The following SV2C variants were observed in gnomAD, a reference collection of about 807,000 sequenced individuals.
The protein encoded by SV2C is synaptic vesicle glycoprotein 2C, also known as solute carrier family 22 member B3.
A neutral mutation model predicts 79.7 loss-of-function variants in SV2C; 49 were observed. The ratio of observed to expected loss-of-function variants is 0.61; its 90% CI spans 0.49 to 0.78. The LOEUF (loss-of-function observed/expected upper bound fraction) is 0.78. SV2C is among the 30% of genes least tolerant of loss of function. The probability of loss-of-function intolerance (pLI) is 0.00; values close to 1 mark genes in which losing one functional copy is unlikely to be tolerated. For synonymous variants in SV2C, 334 were observed against 333.2 expected, an observed-to-expected ratio of 1.00 and a Z score of -0.03; for missense variants, 833 against 912.9, an observed-to-expected ratio of 0.91 and a Z score of 1.13.
intron 4 of SV2C, among the ~76,000 whole-genome samples, chr5:76,229,935 C>G (rs1421542591): frequency 1.3e-5 from 2 of 152,202 alleles, no homozygotes; most frequent in East Asian, 3.8e-4. Flanking sequence ...ACCAATCAAG[C>G]ATACCCCCAT....
chr5:76,314,667 T>C (rs1435321824), intron 12 of SV2C, among the ~76,000 whole-genome samples: 2 of 152,166 alleles, frequency 1.3e-5, no homozygotes, highest in East Asian at 3.9e-4. Context: ...TTACCCCATG[T>C]TCAGGTGAGG....
At chr5:75,947,724 A>T in the SV2C span, among the ~76,000 whole-genome samples, 1 of 152,068 alleles carries the variant, frequency 6.6e-6, no homozygotes, top group Non-Finnish European at 1.5e-5. Context: ...CAAAAACATC[A>T]TGTCTCAAAT....
At chr5:76,090,070 C>G (rs1049870321) in intron 1 of SV2C, among the ~76,000 whole-genome samples, 1 of 152,078 alleles carries the variant, frequency 6.6e-6, no homozygotes, top group Non-Finnish European at 1.5e-5. Flanking sequence ...TCGATGTTTC[C>G]CAAGTATTTA....
At chr5:76,005,238 A>G in the SV2C span, among the ~76,000 whole-genome samples, 1 of 152,136 alleles carries the variant, frequency 6.6e-6, no homozygotes, top group Non-Finnish European at 1.5e-5. Context: ...TTTGTTTTAT[A>G]TTTATGGTTC....
intron 2 of SV2C, among the ~76,000 whole-genome samples, chr5:76,185,881 C>A (rs763684396): frequency 5.9e-5 from 9 of 152,216 alleles, no homozygotes; most frequent in Non-Finnish European, 1.2e-4. Flanking sequence ...AATTTCTCCC[C>A]AGAAAATGGG....
At chr5:76,220,426 C>T (rs1038247085) in intron 4 of SV2C, among the ~76,000 whole-genome samples, 2 of 152,040 alleles carry the variant, frequency 1.3e-5, no homozygotes, top group African/African-American at 2.4e-5. Context: ...AATCCCAGCA[C>T]TTTGGGAGGC....
chr5:76,028,850 G>A, the SV2C span, among the ~76,000 whole-genome samples: 3 of 152,140 alleles, frequency 2.0e-5, no homozygotes, highest in East Asian at 3.8e-4. Context: ...AACCAAAAAT[G>A]TTTCCCAGAA....
intron 1 of SV2C, among the ~76,000 whole-genome samples, chr5:76,101,815 T>A (rs1473272503): frequency 2.0e-5 from 3 of 152,128 alleles, no homozygotes; most frequent in Non-Finnish European, 2.9e-5. Context: ...TATGAAGAAC[T>A]TTTTTTGGTA....
the SV2C span, among the ~76,000 whole-genome samples, chr5:76,009,767 C>T: frequency 4.3e-4 from 65 of 152,140 alleles, no homozygotes; most frequent in Non-Finnish European, 6.3e-4. Context: ...CTCAGAGAGA[C>T]GGAGGTGGGC....
chr5:76,086,505 G>C (rs1747203977), intron 1 of SV2C, among the ~76,000 whole-genome samples: 1 of 152,196 alleles, frequency 6.6e-6, no homozygotes, highest in Admixed American at 6.5e-5. Context: ...CAATACACCA[G>C]CGTATTTCTT....
At chr5:76,110,390 G>T (rs1748062211) in intron 1 of SV2C, among the ~76,000 whole-genome samples, 1 of 152,166 alleles carries the variant, frequency 6.6e-6, no homozygotes, top group African/African-American at 2.4e-5. Context: ...GGAAGTAGGG[G>T]CATGAATGTC....
the SV2C span, among the ~76,000 whole-genome samples, chr5:75,862,009 T>C: frequency 4.6e-5 from 7 of 152,216 alleles, no homozygotes; most frequent in African/African-American, 1.7e-4. Context: ...TGGGATTGAA[T>C]AATTTTTATT....
the SV2C span, among the ~76,000 whole-genome samples, chr5:76,029,740 C>T: frequency 6.6e-6 from 1 of 152,138 alleles, no homozygotes; most frequent in African/African-American, 2.4e-5. Flanking sequence ...TCTACAGATC[C>T]AAGAATTTGC....
intron 3 of SV2C, among the ~76,000 whole-genome samples, chr5:76,201,468 C>T (rs1415306307): frequency 2.0e-5 from 3 of 152,122 alleles, no homozygotes; most frequent in Admixed American, 6.5e-5. Context: ...GAAATTTCAA[C>T]GTGTCTGTAT....
intron 1 of SV2C, among the ~76,000 whole-genome samples, chr5:76,130,815 G>C (rs937065339): frequency 2.6e-5 from 4 of 152,092 alleles, no homozygotes; most frequent in African/African-American, 9.7e-5. Context: ...GAGGGAGAGA[G>C]GGAGAGAGAG....
At chr5:76,159,398 A>C (rs1471749580) in intron 2 of SV2C, among the ~76,000 whole-genome samples, 3 of 152,112 alleles carry the variant, frequency 2.0e-5, no homozygotes, top group Non-Finnish European at 4.4e-5. Context: ...TCCACTAAAA[A>C]ACCATTAAAA....
the SV2C span, among the ~76,000 whole-genome samples, chr5:75,881,259 C>T: frequency 6.6e-6 from 1 of 152,104 alleles, no homozygotes; most frequent in African/African-American, 2.4e-5. Flanking sequence ...CTCAATTAAT[C>T]TGAGGAAATT....
intron 2 of SV2C, among the ~76,000 whole-genome samples, chr5:76,161,431 C>T (rs1270041940): frequency 6.6e-6 from 1 of 152,140 alleles, no homozygotes; most frequent in Non-Finnish European, 1.5e-5. Context: ...GTTTTCTTCT[C>T]TCTCTGTCAC....
At chr5:75,878,841 G>C in the SV2C span, among the ~76,000 whole-genome samples, 1 of 150,294 alleles carries the variant, frequency 6.7e-6, no homozygotes. Context: ...TCTGAGGCTG[G>C]ATAATTTATA....
Sources: gnomAD v4.1 joint callset for allele counts (sites outside exome capture counted in the v4.1 genomes callset) on GRCh38, gnomAD v4.1.1 for gene constraint, MANE v1.5 for transcripts, NCBI Gene and HGNC (gene_info 2026-07-23, HGNC 2026-07-21) for gene names.